The following RIPOR2 variants were observed in gnomAD, a reference collection of about 807,000 sequenced individuals.
RIPOR2 encodes rho family-interacting cell polarization regulator 2.
RIPOR2 carries 39 observed loss-of-function variants against 114.5 expected under a neutral mutation model. That is an observed-to-expected ratio of 0.34 (90% CI 0.26 to 0.44). RIPOR2 has a LOEUF of 0.44. Among genes scored for constraint, RIPOR2 ranks in the 20% least tolerant of loss-of-function variants. The pLI is 1.00. For synonymous variants in RIPOR2, 445 were observed against 484.4 expected (o/e 0.92, Z 1.07); for missense variants, 1,007 against 1,255.1 (o/e 0.80, Z 2.99).
At chr6:24,885,043 G>A (rs889160892) in intron 1 of RIPOR2, among the ~76,000 whole-genome samples, 8 of 152,058 alleles carry the variant, frequency 5.3e-5, no homozygotes, top group South Asian at 4.1e-4. Context: ...TATGCTCAGC[G>A]CTGGCAGGAT....
Position 24,860,066 on chromosome 6 carries a change from C to T in RIPOR2, c.715+907G>A, listed in dbSNP as rs191527929. Among the ~76,000 whole-genome samples, 144 of 152,244 alleles carry T rather than the reference C, an allele frequency of 9.5e-4. 1 individual carries two copies. The highest frequency in any genetic ancestry group is 3.2e-3 in the African/African-American group (134 of 41,558). On this transcript the variant is annotated intron_variant, in intron 8 of 21. Coordinates refer to ENST00000643898, the MANE Select transcript of RIPOR2 (RefSeq NM_001286445.3). ...TGCTCTATTTTCTAAAACCAGACTT[C>T]GTTTTTGTTCTGAAGATGCTGTGGT...
intron 8 of RIPOR2, among the ~76,000 whole-genome samples, chr6:24,853,059 G>A (rs973073571): frequency 6.6e-6 from 1 of 152,124 alleles, no homozygotes; most frequent in Non-Finnish European, 1.5e-5. Flanking sequence ...AAGATTCCAT[G>A]CAGTTATTTC....
rs559836162 is a variant in RIPOR2 at position 24,825,375 on chromosome 6, T to C, written c.2719A>G (p.Met907Val). Residue 907 changes from methionine to valine, a missense_variant, in exon 19 of 22, where the codon ATG becomes GTG. Met to Val is a conservative substitution (Grantham distance 21, BLOSUM62 1). Coordinates refer to ENST00000643898, the MANE Select transcript of RIPOR2 (RefSeq NM_001286445.3). ...AGGTTGCTGGGAGCAAGGTCACTCA[T>C]GGTTTGTAGCAGTTTTTCATCTCTT... Reference protein sequence around the residue: ...SLRDEKLLQTMSDLAPSNLLA... With the variant: ...SLRDEKLLQTVSDLAPSNLLA... 4.2e-5 allele frequency: 65 copies of C among 1,552,144 alleles called. 1 individual carries two copies. The Admixed American group carries it at 1.0e-3, about 25-fold the overall frequency.
chr6:24,903,709 G>T lies in RIPOR2; in HGVS notation c.62-27892C>A, dbSNP rs1188143243. ...AATAATTACATCAAGATAAATGGGG[G>T]TATCCTCCAGAGAGTAACTTCTAAT... On this transcript the variant is annotated intron_variant, in intron 1 of 21. Coordinates refer to ENST00000643898, the MANE Select transcript of RIPOR2 (RefSeq NM_001286445.3). Among the ~76,000 whole-genome samples, 3 of 152,082 alleles carry T rather than the reference G, an allele frequency of 2.0e-5. No individual in the cohort carries two copies. The East Asian group carries it at 5.8e-4, about 29-fold the overall frequency.
chr6:24,839,021 G>C (rs1323375448), intron 14 of RIPOR2, 70 bp downstream of exon 14: 1 of 1,280,160 alleles, frequency 7.8e-7, no homozygotes. Flanking sequence ...GGTCCCCTCT[G>C]ACAGTAACAA....
At chr6:24,927,468 A>G (rs1008570237) in intron 1 of RIPOR2, among the ~76,000 whole-genome samples, 3 of 152,070 alleles carry the variant, frequency 2.0e-5, no homozygotes, top group Non-Finnish European at 4.4e-5. Flanking sequence ...CATAATCATC[A>G]TCACCATAAC....
In RIPOR2 at chr6:24,955,750, A is replaced by T. The variant is rs954772438; in HGVS notation, c.77-79933T>A. Among the ~76,000 whole-genome samples the T allele has an allele frequency of 5.6e-4, 85 of 151,848 alleles. 1 individual carries two copies. Among genetic ancestry groups the T allele is most frequent in the African/African-American group, 2.0e-3 (81 of 41,408 alleles). On this transcript the variant is annotated intron_variant, in intron 1 of 13. Coordinates refer to the RIPOR2 transcript ENST00000510784. ...CCTGGTGCAGTGGCTCACGGCTGTA[A>T]TCCCAGCACTTTGAGAGGCTGAGGT...
intron 8 of RIPOR2, among the ~76,000 whole-genome samples, chr6:24,853,365 G>A (rs182187327): frequency 5.3e-5 from 8 of 152,308 alleles, no homozygotes; most frequent in East Asian, 1.9e-4. Context: ...GCCACCATCC[G>A]AGGCCATCTC....
intron 13 of RIPOR2, chr6:24,840,840 A>C: frequency 6.8e-7 from 1 of 1,469,096 alleles, no homozygotes; most frequent in Admixed American, 2.0e-5. Context: ...TTCTGGCTGG[A>C]TACAAAGCCA....
At chr6:25,021,466 G>A (rs1776313315) in intron 1 of RIPOR2, among the ~76,000 whole-genome samples, 2 of 152,322 alleles carry the variant, frequency 1.3e-5, no homozygotes, top group Admixed American at 1.3e-4. Context: ...CTATAAAAAG[G>A]AATGACTTAA....
chr6:24,980,644 T>C (rs919987514), intron 1 of RIPOR2, among the ~76,000 whole-genome samples: 3 of 152,196 alleles, frequency 2.0e-5, no homozygotes, highest in South Asian at 2.1e-4. Context: ...CAGAGCTCTG[T>C]AACTCTCCAG....
intron 1 of RIPOR2, among the ~76,000 whole-genome samples, chr6:24,971,044 T>G (rs997953884): frequency 2.6e-5 from 4 of 152,194 alleles, no homozygotes; most frequent in East Asian, 3.8e-4. Flanking sequence ...AGCCTAGTTA[T>G]GACAGTATTT....
chr6:24,806,115 A>C lies in RIPOR2; in HGVS notation c.*258T>G. The C allele has an allele frequency of 2.3e-6, 1 of 439,006 alleles. No homozygotes were observed. The highest frequency in any genetic ancestry group is 4.0e-6 in the Non-Finnish European group (1 of 248,398). 27.2% of individuals were successfully genotyped at this position (439,006 alleles called of 1,614,324 possible). A position where few individuals can be genotyped will look rare whatever the true frequency, so the allele number is the denominator to read the frequency against. ...CAGGTGCATGCCACCACGCCTGACT[A>C]ATTAAACTATTTTTTTTGTAGAGAC... On this transcript the variant is annotated 3_prime_UTR_variant, in exon 22 of 22. Coordinates refer to ENST00000643898, the MANE Select transcript of RIPOR2 (RefSeq NM_001286445.3).
At chr6:24,838,052 G>A (rs1236030469) in intron 14 of RIPOR2, among the ~76,000 whole-genome samples, 1 of 152,184 alleles carries the variant, frequency 6.6e-6, no homozygotes, top group African/African-American at 2.4e-5. Flanking sequence ...TGCTTTATAT[G>A]TAGTTATAAA....
intron 1 of RIPOR2, among the ~76,000 whole-genome samples, chr6:24,910,270 C>A (rs747096326): frequency 5.3e-5 from 8 of 152,170 alleles, no homozygotes; most frequent in Non-Finnish European, 8.8e-5. Context: ...TTCCACCTGG[C>A]CAATTTGGAA....
At chr6:24,845,163 A>T (rs1271007523) in intron 12 of RIPOR2, among the ~76,000 whole-genome samples, 1 of 151,946 alleles carries the variant, frequency 6.6e-6, no homozygotes, top group East Asian at 1.9e-4. Context: ...TACCTCCCAA[A>T]CTGAGGATGT....
chr6:24,840,752 CT>C, intron 13 of RIPOR2: 1 of 1,535,550 alleles, frequency 6.5e-7, no homozygotes, highest in Non-Finnish European at 8.7e-7. Context: ...CATTTAGTTT[CT>C]GATCGTCAAG....
At chr6:24,982,949 A>G (rs1774361645) in intron 1 of RIPOR2, among the ~76,000 whole-genome samples, 1 of 152,116 alleles carries the variant, frequency 6.6e-6, no homozygotes, top group African/African-American at 2.4e-5. Flanking sequence ...AATTTGTGAT[A>G]CTAAGACCAA....
chr6:25,034,342 G>GGT (rs1377559379), intron 1 of RIPOR2, among the ~76,000 whole-genome samples: 5 of 151,822 alleles, frequency 3.3e-5, no homozygotes, highest in African/African-American at 1.2e-4. Flanking sequence ...GGGGGTAAGG[G>GGT]GTGTGTATAT....
Sources: allele counts gnomAD v4.1 joint callset (sites outside exome capture counted in the v4.1 genomes callset), GRCh38; gene constraint gnomAD v4.1.1; transcripts MANE v1.5; gene names NCBI Gene and HGNC (gene_info 2026-07-23, HGNC 2026-07-21).